DISP1: variants seen among roughly 807,000 people sequenced by gnomAD.
The protein encoded by DISP1 is dispatched RND transporter family member 1, also known as protein dispatched homolog 1.
In DISP1, 30 loss-of-function variants were observed where a neutral mutation model predicts 37.3. The observed-to-expected ratio is 0.80, with a 90% CI of 0.60 to 1.09. The LOEUF (loss-of-function observed/expected upper bound fraction) is 1.09, where lower values mean the gene tolerates loss of function less well. DISP1 is among the 50% of genes least tolerant of loss of function. The pLI, the probability that DISP1 is intolerant of heterozygous loss-of-function variation, is 0.00. For missense variants in DISP1, 1,598 were observed against 1,879.5 expected (o/e 0.85, Z 2.77); for synonymous variants, 634 against 690.2 (o/e 0.92, Z 1.28).
intron 1 of DISP1, among the ~76,000 whole-genome samples, chr1:222,840,632 G>A (rs1284266350): frequency 8.4e-5 from 12 of 142,604 alleles, no homozygotes; most frequent in Admixed American, 6.0e-4. Flanking sequence ...GTGCTATCTC[G>A]GCTCACCACA....
At chr1:222,951,930 C>G (rs1415682345) in intron 3 of DISP1, among the ~76,000 whole-genome samples, 1 of 152,168 alleles carries the variant, frequency 6.6e-6, no homozygotes, top group African/African-American at 2.4e-5. Context: ...GAGGCACAGG[C>G]AAGTTTTATG....
At chr1:222,988,583 C>T (rs1291977645) in intron 4 of DISP1, among the ~76,000 whole-genome samples, 1 of 148,102 alleles carries the variant, frequency 6.8e-6, no homozygotes, top group Non-Finnish European at 1.5e-5. Context: ...TTCTCTCTCT[C>T]TTTCTTTTTT....
rs1339885456 is a variant in DISP1 at position 222,943,064 on chromosome 1, T to G, written c.241T>G (p.Cys81Gly). ...NQRMPQMLPQ[C>G]CHPCPYHHPL... The stretch of plus-strand genomic sequence containing the variant: ...AAGAATGCCTCAGATGTTACCCCAA[T>G]GCTGCCATCCTTGCCCATACCATCA... The change falls in exon 3 of 9, where the codon TGC (cysteine) becomes GGC (glycine). Residue 81 changes from cysteine to glycine, a missense_variant. Cys to Gly is a radical substitution (Grantham distance 159). Coordinates refer to ENST00000675850, the MANE Select transcript of DISP1 (RefSeq NM_001377229.1). The G allele has an allele frequency of 6.2e-7, 1 of 1,614,214 alleles. No individual in the cohort carries two copies. Among genetic ancestry groups the G allele is most frequent in the Non-Finnish European group, 8.5e-7 (1 of 1,180,032 alleles).
At chr1:222,995,035 G>C in intron 8 of DISP1, 53 bp downstream of exon 8, 1 of 1,412,732 alleles carries the variant, frequency 7.1e-7, no homozygotes. Context: ...TTGTATTATT[G>C]AAACTCCTTT....
At position 223,002,862 on chromosome 1, in the gene DISP1, T is replaced by A. The variant is rs762778909; in HGVS notation, c.1465T>A (p.Phe489Ile). 1 of 1,613,906 alleles carries A rather than the reference T, an allele frequency of 6.2e-7. No individual in the cohort carries two copies. The highest frequency in any genetic ancestry group is 1.7e-5 in the Admixed American group (1 of 60,012). Residue 489 changes from phenylalanine to isoleucine, a missense_variant, in exon 9 of 9, where the codon TTT (phenylalanine) becomes ATT (isoleucine). By Grantham distance (21) the Phe-to-Ile change is conservative. Coordinates refer to ENST00000675850, the MANE Select transcript of DISP1 (RefSeq NM_001377229.1). ...CGTGACTACCATCACCGGGATTGAGTTTGGTATCAAACACAGTTTGTTTCA... is the reference window on the plus strand; with the variant it reads ...CGTGACTACCATCACCGGGATTGAGATTGGTATCAAACACAGTTTGTTTCA... The part of the protein sequence containing the change: ...DGVTTITGIE[F>I]GIKHSLFQDY...
intron 2 of DISP1, among the ~76,000 whole-genome samples, chr1:222,929,715 G>A (rs544892027): frequency 3.9e-4 from 60 of 151,964 alleles, no homozygotes; most frequent in Admixed American, 1.2e-3. Flanking sequence ...AATATCTGGC[G>A]ACACATTTCT....
intron 1 of DISP1, among the ~76,000 whole-genome samples, chr1:222,903,912 T>G (rs142003974): frequency 1.2e-3 from 182 of 152,318 alleles, no homozygotes; most frequent in African/African-American, 4.3e-3. Context: ...AAGGAGGCAA[T>G]AGAGTGCATA....
At chr1:222,916,145 A>G (rs1672482648) in intron 1 of DISP1, among the ~76,000 whole-genome samples, 1 of 152,238 alleles carries the variant, frequency 6.6e-6, no homozygotes, top group Admixed American at 6.5e-5. Context: ...TCTCTAAAAT[A>G]TTTAAGGTTA....
At chr1:222,939,514 T>C (rs908988471) in intron 2 of DISP1, among the ~76,000 whole-genome samples, 2 of 151,964 alleles carry the variant, frequency 1.3e-5, no homozygotes, top group Non-Finnish European at 2.9e-5. Context: ...TGTATTCAGT[T>C]CTTGCACTAC....
At chr1:223,001,694 C>T (rs1407677369) in intron 8 of DISP1, among the ~76,000 whole-genome samples, 1 of 152,190 alleles carries the variant, frequency 6.6e-6, no homozygotes, top group Non-Finnish European at 1.5e-5. Flanking sequence ...TTCTACGTGT[C>T]CTCATGACCT....
chr1:222,852,243 T>C, intron 1 of DISP1, among the ~76,000 whole-genome samples: 1 of 101,564 alleles, frequency 9.8e-6, no homozygotes, highest in African/African-American at 2.9e-5. Context: ...CATTTGGGGT[T>C]TTTTTTTTTA....
chr1:222,999,151 T>C (rs1386638854), intron 8 of DISP1, among the ~76,000 whole-genome samples: 1 of 152,160 alleles, frequency 6.6e-6, no homozygotes. Context: ...CTATTTTAAG[T>C]CAACTCCACC....
At chr1:222,838,994 T>C (rs977625642) in intron 1 of DISP1, among the ~76,000 whole-genome samples, 9 of 152,192 alleles carry the variant, frequency 5.9e-5, no homozygotes, top group Non-Finnish European at 1.2e-4. Flanking sequence ...ATTTAGCTAA[T>C]ACTAAAAATC....
chr1:222,887,868 T>A (rs1237193636), intron 1 of DISP1, among the ~76,000 whole-genome samples: 3 of 152,228 alleles, frequency 2.0e-5, no homozygotes, highest in African/African-American at 4.8e-5. Flanking sequence ...TCTTTTGTCC[T>A]AATTTGACCA....
At chr1:222,997,933 A>G (rs1679187381) in intron 8 of DISP1, among the ~76,000 whole-genome samples, 1 of 152,160 alleles carries the variant, frequency 6.6e-6, no homozygotes, top group Non-Finnish European at 1.5e-5. Flanking sequence ...ATAGGTGATC[A>G]AAGCCCCAAA....
chr1:222,892,955 T>G (rs1004566523), intron 1 of DISP1, among the ~76,000 whole-genome samples: 1 of 152,244 alleles, frequency 6.6e-6, no homozygotes, highest in African/African-American at 2.4e-5. Context: ...ATGTTTTATG[T>G]GTTTTAAATT....
chr1:222,982,860 TGAC>T (rs1677934779), intron 3 of DISP1, among the ~76,000 whole-genome samples: 2 of 152,056 alleles, frequency 1.3e-5, no homozygotes, highest in African/African-American at 4.8e-5. Flanking sequence ...TTCTGCCTCC[TGAC>T]TAGCCACTCG....
chr1:222,906,838 A>G (rs1259451071), intron 1 of DISP1, among the ~76,000 whole-genome samples: 4 of 152,146 alleles, frequency 2.6e-5, no homozygotes, highest in African/African-American at 4.8e-5. Flanking sequence ...ACTTGCTTTC[A>G]TTTTGCTTTG....
chr1:222,862,338 G>C (rs1164258342), intron 1 of DISP1, among the ~76,000 whole-genome samples: 1 of 152,050 alleles, frequency 6.6e-6, no homozygotes. Flanking sequence ...TTGAGAATCA[G>C]TTGTTGCCAT....
Sources: gnomAD v4.1 joint callset for allele counts (sites outside exome capture counted in the v4.1 genomes callset) on GRCh38, gnomAD v4.1.1 for gene constraint, MANE v1.5 for transcripts, NCBI Gene and HGNC (gene_info 2026-07-23, HGNC 2026-07-21) for gene names.